PAM: variants seen among roughly 807,000 people sequenced by gnomAD.
PAM encodes peptidyl-glycine alpha-amidating monooxygenase.
A neutral mutation model predicts 122.1 loss-of-function variants in PAM; 72 were observed. The observed-to-expected ratio is 0.59, with a 90% CI of 0.49 to 0.72. The LOEUF (loss-of-function observed/expected upper bound fraction) is 0.72, where lower values mean the gene tolerates loss of function less well. PAM is among the 30% of genes least tolerant of loss of function. The pLI, the probability that PAM is intolerant of heterozygous loss-of-function variation, is 0.00. For synonymous variants in PAM, 389 were observed against 404.4 expected, an observed-to-expected ratio of 0.96 and a Z score of 0.46; for missense variants, 1,106 against 1,183.7, an observed-to-expected ratio of 0.93 and a Z score of 0.96.
rs1400368167 is a variant in PAM at position 102,852,301 on chromosome 5, TTTGACA to T, written c.-373-13521_-373-13516del. 1.1e-3 allele frequency among the ~76,000 whole-genome samples: 164 copies of T among 152,320 alleles called. 1 individual carries two copies. The highest frequency in any genetic ancestry group is 3.7e-3 in the African/African-American group (153 of 41,576). Reference sequence around the variant, plus strand: ...ATTTTGTCAATGGAATTTTACAGGTTTTGACAATGACCTTAATATATTTTTAAATAA... The same window carrying T: ...ATTTTGTCAATGGAATTTTACAGGTTATGACCTTAATATATTTTTAAATAA... On this transcript the variant is annotated intron_variant, in intron 1 of 25. Coordinates refer to ENST00000438793, the MANE Select transcript of PAM (RefSeq NM_001177306.2).
rs1767613868 is a variant in PAM, at chr5:102,976,223, A to G, written c.1483+1787A>G. 2.0e-5 allele frequency among the ~76,000 whole-genome samples: 3 copies of G among 152,206 alleles called. No homozygotes were observed. In the South Asian group the frequency reaches 6.2e-4, roughly 32 times the overall value. The stretch of plus-strand genomic sequence containing the variant: ...ATGTTATTTCCCTACTCTAATTACA[A>G]AAACTTTTAAAAAATAAAATGCAAA... On this transcript the variant is annotated intron_variant, in intron 15 of 25. Coordinates refer to ENST00000438793, the MANE Select transcript of PAM (RefSeq NM_001177306.2).
intron 7 of PAM, among the ~76,000 whole-genome samples, chr5:102,941,930 A>G (rs1014925989): frequency 2.0e-5 from 3 of 151,856 alleles, no homozygotes; most frequent in African/African-American, 4.8e-5. Context: ...AGTGAACACA[A>G]GATCTGGATC....
chr5:102,792,362 G>A (rs1457355573), intron 1 of PAM, among the ~76,000 whole-genome samples: 1 of 152,226 alleles, frequency 6.6e-6, no homozygotes, highest in African/African-American at 2.4e-5. Context: ...CGTGGGGAAA[G>A]ACTATGGAGG....
chr5:102,965,602 G>A (rs1197251171), intron 14 of PAM, among the ~76,000 whole-genome samples: 1 of 151,978 alleles, frequency 6.6e-6, no homozygotes, highest in African/African-American at 2.4e-5. Flanking sequence ...TGCAGAAACA[G>A]CCTTTAACAT....
chr5:103,023,952 T>A (rs1583017792), intron 23 of PAM, among the ~76,000 whole-genome samples: 1 of 152,146 alleles, frequency 6.6e-6, no homozygotes, highest in African/African-American at 2.4e-5. Context: ...AAACATTTAT[T>A]TGGAGGAGTA....
chr5:102,914,135 G>A, intron 5 of PAM, 114 bp downstream of exon 5: 2 of 661,632 alleles, frequency 3.0e-6, no homozygotes, highest in South Asian at 1.7e-5. Context: ...AACATTTTAA[G>A]AAAAAGAACA....
At chr5:102,809,723 A>C (rs1767367979) in intron 1 of PAM, among the ~76,000 whole-genome samples, 1 of 152,246 alleles carries the variant, frequency 6.6e-6, no homozygotes, top group African/African-American at 2.4e-5. Context: ...TGAGAAGTAC[A>C]ACTGTGAGAG....
At chr5:102,952,370 ATTC>A (rs1220523306) in intron 12 of PAM, among the ~76,000 whole-genome samples, 1 of 152,164 alleles carries the variant, frequency 6.6e-6, no homozygotes, top group African/African-American at 2.4e-5. Flanking sequence ...GTCTAGAATA[ATTC>A]TTGTCTTTTT....
intron 1 of PAM, among the ~76,000 whole-genome samples, chr5:102,851,287 C>T (rs1781305239): frequency 6.6e-6 from 1 of 152,020 alleles, no homozygotes; most frequent in Non-Finnish European, 1.5e-5. Flanking sequence ...GAACACGTTG[C>T]ATAATTAAAC....
At chr5:102,774,720 G>A (rs773562389) in intron 1 of PAM, among the ~76,000 whole-genome samples, 11 of 151,940 alleles carry the variant, frequency 7.2e-5, no homozygotes, top group African/African-American at 1.2e-4. Flanking sequence ...TGATACATGC[G>A]AACTATTTAT....
At chr5:102,844,289 A>G (rs1242873929) in intron 1 of PAM, among the ~76,000 whole-genome samples, 1 of 152,202 alleles carries the variant, frequency 6.6e-6, no homozygotes, top group African/African-American at 2.4e-5. Flanking sequence ...TAATTGTGCT[A>G]TTGTACTATG....
intron 3 of PAM, among the ~76,000 whole-genome samples, chr5:102,881,135 C>CACACACACACACACAT (rs1481097893): frequency 9.3e-5 from 14 of 151,198 alleles, no homozygotes; most frequent in African/African-American, 3.2e-4. Flanking sequence ...TACATACACA[C>CACACACACACACACAT]ACACACACAC....
chr5:102,938,478 G>C (rs906751209), intron 7 of PAM, among the ~76,000 whole-genome samples: 2 of 152,088 alleles, frequency 1.3e-5, no homozygotes, highest in East Asian at 3.9e-4. Flanking sequence ...ATTGAGCAGA[G>C]CGTAAGTGAT....
chr5:102,952,506 A>T (rs994388016), intron 12 of PAM, among the ~76,000 whole-genome samples: 3 of 151,604 alleles, frequency 2.0e-5, no homozygotes, highest in Non-Finnish European at 2.9e-5. Context: ...GAAAGGAATT[A>T]TAGGAAATTA....
At chr5:102,761,336 G>A (rs1332008072) in intron 1 of PAM, among the ~76,000 whole-genome samples, 1 of 152,222 alleles carries the variant, frequency 6.6e-6, no homozygotes, top group Non-Finnish European at 1.5e-5. Flanking sequence ...AGCTCATTTT[G>A]TAGAGAGTGT....
chr5:102,794,658 C>T (rs1762903826), intron 1 of PAM, among the ~76,000 whole-genome samples: 1 of 152,012 alleles, frequency 6.6e-6, no homozygotes, highest in Non-Finnish European at 1.5e-5. Flanking sequence ...AAAATTATTA[C>T]ATGTACAAAT....
At chr5:102,941,832 A>C (rs138085189) in intron 7 of PAM, among the ~76,000 whole-genome samples, 1 of 120,434 alleles carries the variant, frequency 8.3e-6, no homozygotes, top group African/African-American at 3.4e-5. Context: ...TCCAGATGGT[A>C]CAAAAAAAAA....
At position 102,899,818 on chromosome 5, in the gene PAM, G is replaced by A. The variant is rs116134657; in HGVS notation, c.211-1538G>A. Among the ~76,000 whole-genome samples the A allele has an allele frequency of 9.4e-3, 1,430 of 151,768 alleles. 20 individuals carry two copies. Among genetic ancestry groups the A allele is most frequent in the African/African-American group, 0.032 (1,327 of 41,452 alleles). ...ACAAAAGGGAGGAGACCTTTTAGAA[G>A]CTGGGGTGTGGTGAGGGAAAGGCAC... On this transcript the variant is annotated intron_variant, in intron 3 of 25. Coordinates refer to ENST00000438793, the MANE Select transcript of PAM (RefSeq NM_001177306.2).
At chr5:102,801,884 T>C (rs1435327890) in intron 1 of PAM, among the ~76,000 whole-genome samples, 12 of 146,784 alleles carry the variant, frequency 8.2e-5, no homozygotes, top group African/African-American at 2.3e-4. Flanking sequence ...GTTCACGCCA[T>C]TCTCCTGCCT....
Sources: allele counts gnomAD v4.1 joint callset (sites outside exome capture counted in the v4.1 genomes callset), GRCh38; gene constraint gnomAD v4.1.1; transcripts MANE v1.5; gene names NCBI Gene and HGNC (gene_info 2026-07-23, HGNC 2026-07-21).